The following C12orf54 variants were observed in gnomAD, a reference collection of about 807,000 sequenced individuals.
C12orf54 encodes uncharacterized protein C12orf54.
C12orf54 carries 24 observed loss-of-function variants against 26.4 expected under a neutral mutation model. That is an observed-to-expected ratio of 0.91 (90% confidence interval 0.66 to 1.28). The LOEUF is 1.28. C12orf54 is among the 50% of genes most tolerant of loss of function. The probability of loss-of-function intolerance (pLI) is 0.00; values close to 1 mark genes in which losing one functional copy is unlikely to be tolerated. For missense variants in C12orf54, 154 were observed against 150.9 expected, an observed-to-expected ratio of 1.02 and a Z score of -0.11; for synonymous variants, 54 against 47.0, an observed-to-expected ratio of 1.15 and a Z score of -0.61.
At chr12:48,454,350 C>T in the C12orf54 span, among the ~76,000 whole-genome samples, 6 of 152,248 alleles carry the variant, frequency 3.9e-5, no homozygotes, top group South Asian at 2.1e-4. Context: ...CTGCCCACCT[C>T]GGCCTCCCAA....
At chr12:48,433,725 G>T in the C12orf54 span, among the ~76,000 whole-genome samples, 2 of 152,284 alleles carry the variant, frequency 1.3e-5, no homozygotes, top group South Asian at 2.1e-4. Context: ...GGAATTACAG[G>T]TGTGAGCCAC....
chr12:48,425,033 T>TTATATA, the C12orf54 span, among the ~76,000 whole-genome samples: 1 of 152,104 alleles, frequency 6.6e-6, no homozygotes, highest in Non-Finnish European at 1.5e-5. Context: ...AATTGGTGAA[T>TTATATA]TATATGTAGG....
the C12orf54 span, among the ~76,000 whole-genome samples, chr12:48,420,586 C>T: frequency 0.81 from 122,557 of 152,058 alleles, 49,604 homozygotes; most frequent in East Asian, 0.88. Flanking sequence ...ATCTCTATCT[C>T]CCAGTCTCTG....
At chr12:48,450,979 AG>A in the C12orf54 span, among the ~76,000 whole-genome samples, 1 of 152,184 alleles carries the variant, frequency 6.6e-6, no homozygotes, top group Non-Finnish European at 1.5e-5. Context: ...TCATTCTATG[AG>A]GCCAGCATCA....
chr12:48,494,648 C>A, intron 7 of C12orf54, 150 bp from the exon 8 acceptor site: 1 of 773,466 alleles, frequency 1.3e-6, no homozygotes, highest in Non-Finnish European at 2.1e-6. Context: ...GCCATGCATC[C>A]ATCAGGAAAT....
At chr12:48,433,668 T>C in the C12orf54 span, among the ~76,000 whole-genome samples, 1 of 152,138 alleles carries the variant, frequency 6.6e-6, no homozygotes, top group East Asian at 1.9e-4. Context: ...AGGATGGTCT[T>C]GATCTCTTGA....
the C12orf54 span, among the ~76,000 whole-genome samples, chr12:48,456,001 A>G: frequency 6.6e-6 from 1 of 152,224 alleles, no homozygotes; most frequent in Admixed American, 6.5e-5. Context: ...AGTGTTTTAC[A>G]CTGATTATCT....
the C12orf54 span, among the ~76,000 whole-genome samples, chr12:48,419,122 C>G: frequency 1.7e-4 from 26 of 152,300 alleles, no homozygotes; most frequent in Non-Finnish European, 3.5e-4. Flanking sequence ...TCTCTTCTAT[C>G]TCTTCTAGAC....
chr12:48,494,975 G>T lies in C12orf54; in HGVS notation c.*36G>T, dbSNP rs369807440. On this transcript the variant is annotated 3_prime_UTR_variant, in exon 8 of 9. Transcript: ENST00000548364. The stretch of plus-strand genomic sequence containing the variant: ...AAGGAAGAAGGACATCTCTGCTTCC[G>T]CCAGGTGCTTTACCCAAGCAGCCTT... 6.2e-6 allele frequency: 10 copies of T among 1,601,276 alleles called. No individual in the cohort carries two copies. Among genetic ancestry groups the T allele is most frequent in the Non-Finnish European group, 8.5e-6 (10 of 1,170,212 alleles).
At chr12:48,447,212 C>CAG in the C12orf54 span, among the ~76,000 whole-genome samples, 5 of 90,972 alleles carry the variant, frequency 5.5e-5, no homozygotes, top group Non-Finnish European at 1.5e-4. Context: ...CTCTCTTACT[C>CAG]TGTGTGTGTG....
chr12:48,466,908 G>T, the C12orf54 span, among the ~76,000 whole-genome samples: 2 of 151,998 alleles, frequency 1.3e-5, no homozygotes, highest in Non-Finnish European at 2.9e-5. Context: ...ATTTGTAATA[G>T]CCCCAAACTG....
chr12:48,419,938 AG>A, the C12orf54 span, among the ~76,000 whole-genome samples: 1 of 152,220 alleles, frequency 6.6e-6, no homozygotes, highest in African/African-American at 2.4e-5. Flanking sequence ...TTCCAGGTAA[AG>A]AGCTCAAAAC....
chr12:48,424,758 T>C, the C12orf54 span, among the ~76,000 whole-genome samples: 1 of 152,150 alleles, frequency 6.6e-6, no homozygotes, highest in African/African-American at 2.4e-5. Flanking sequence ...TACTTATATA[T>C]GTGTATGGTG....
chr12:48,488,337 G>C (rs139579712), intron 4 of C12orf54: 128 of 516,714 alleles, frequency 2.5e-4, no homozygotes, highest in African/African-American at 1.9e-3. Context: ...ACAGAATGCT[G>C]TGCCCCCTGG....
At chr12:48,456,961 G>A in the C12orf54 span, among the ~76,000 whole-genome samples, 5 of 152,022 alleles carry the variant, frequency 3.3e-5, no homozygotes, top group African/African-American at 9.6e-5. Context: ...ATCTTTCATA[G>A]GATGCTGAAT....
the C12orf54 span, among the ~76,000 whole-genome samples, chr12:48,437,211 A>T: frequency 6.6e-6 from 1 of 152,210 alleles, no homozygotes; most frequent in South Asian, 2.1e-4. Context: ...GAAAAAGTTG[A>T]ATCTCTGAAT....
At chr12:48,433,144 CTTTA>C in the C12orf54 span, among the ~76,000 whole-genome samples, 1 of 152,134 alleles carries the variant, frequency 6.6e-6, no homozygotes, top group East Asian at 1.9e-4. Flanking sequence ...TATGTGTGAC[CTTTA>C]TCAAAATACC....
At chr12:48,433,803 G>A in the C12orf54 span, among the ~76,000 whole-genome samples, 2 of 152,100 alleles carry the variant, frequency 1.3e-5, no homozygotes, top group Admixed American at 6.6e-5. Context: ...TGGCCAAATA[G>A]GAACAGCTCC....
upstream of C12orf54, among the ~76,000 whole-genome samples, chr12:48,478,459 T>C (rs1220698854): frequency 6.6e-6 from 1 of 152,164 alleles, no homozygotes; most frequent in Non-Finnish European, 1.5e-5. Context: ...AGTCAAATTG[T>C]CCCTGTTTGC....
Sources: gnomAD v4.1 joint callset for allele counts (sites outside exome capture counted in the v4.1 genomes callset) on GRCh38, gnomAD v4.1.1 for gene constraint, MANE v1.5 for transcripts, NCBI Gene and HGNC (gene_info 2026-07-23, HGNC 2026-07-21) for gene names.